RYR2: variants seen among roughly 807,000 people sequenced by gnomAD.
RYR2 encodes the protein ryanodine receptor 2.
RYR2 carries 227 observed loss-of-function variants against 601.1 expected under a neutral mutation model. The ratio of observed to expected loss-of-function variants is 0.38; its 90% CI spans 0.34 to 0.42. RYR2 has a LOEUF of 0.42. Among genes scored for constraint, RYR2 ranks in the 10% least tolerant of loss-of-function variants. The pLI is 1.00. For missense variants in RYR2, 4,646 were observed against 6,156.5 expected (o/e 0.75, Z 8.21); for synonymous variants, 2,223 against 2,175.1 (o/e 1.02, Z -0.61).
chr1:237,638,330 ACT>A (rs1234091940), intron 44 of RYR2, 25 bp from the exon 45 acceptor site: 1 of 1,613,500 alleles, frequency 6.2e-7, no homozygotes, highest in East Asian at 2.2e-5. Context: ...CCAAGGGATA[ACT>A]CTTTGTTAAT....
intron 23 of RYR2, among the ~76,000 whole-genome samples, chr1:237,508,963 C>T (rs1328759512): frequency 2.0e-5 from 3 of 151,640 alleles, no homozygotes; most frequent in Non-Finnish European, 4.4e-5. Context: ...AGGATGGTTT[C>T]GATCTCCTGA....
intron 62 of RYR2, 86 bp from the exon 63 acceptor site, chr1:237,687,366 CTTT>C (rs10679267): frequency 4.9e-4 from 127 of 258,828 alleles, no homozygotes; most frequent in Admixed American, 1.1e-3. Context: ...TTTTCTTCTT[CTTT>C]TTTTTTTTTT....
intron 1 of RYR2, among the ~76,000 whole-genome samples, chr1:237,058,181 TAGTC>T (rs1381360589): frequency 3.3e-5 from 5 of 152,206 alleles, no homozygotes; most frequent in Admixed American, 1.3e-4. Context: ...ATTAAGCAAA[TAGTC>T]AGTCTAGGGA....
chr1:237,684,396 T>A (rs1005147226), intron 62 of RYR2, among the ~76,000 whole-genome samples: 1 of 152,120 alleles, frequency 6.6e-6, no homozygotes. Context: ...GAAGTTGTGA[T>A]GAGTGTCAGT....
chr1:237,609,531 G>GT (rs911149763), intron 35 of RYR2, among the ~76,000 whole-genome samples: 56 of 150,386 alleles, frequency 3.7e-4, no homozygotes, highest in East Asian at 9.8e-4. Context: ...CACCATTTTT[G>GT]TTTTTTTTTA....
In RYR2 at chr1:237,732,073, G is replaced by A. The variant is rs1238152469; in HGVS notation, c.10963G>A (p.Asp3655Asn). ...ACCTGGGGCTGAACCTCCAGAAGAA[G>A]ATGAAGGCACTAAGAGAGTTGATCC... ...AKPGAEPPEE[D>N]EGTKRVDPLH... is the part of the protein sequence containing the mutation. The change falls in exon 78 of 105, where the codon GAT becomes AAT. Residue 3655 changes from aspartate to asparagine, a missense_variant. Transcript: ENST00000366574. The A allele has an allele frequency of 8.1e-6, 13 of 1,608,588 alleles. No individual in the cohort carries two copies. The highest frequency in any genetic ancestry group is 1.0e-5 in the Non-Finnish European group (12 of 1,176,508).
chr1:237,387,359 T>G lies in RYR2; in HGVS notation c.655T>G (p.Ser219Ala). Residue 219 changes from serine (S) to alanine (A), a missense_variant, in exon 9 of 105, where the codon TCA becomes GCA. By Grantham distance (99) the Ser-to-Ala change is moderately conservative. This residue lies in a region of RYR2 where 87 missense variants were observed against 144.7 expected (regional missense o/e 0.60). Transcript: ENST00000366574. ...TCTCTGGAGCGTGGCCCCAATCAGC[T>G]CAGGAAGTGAGGCAGCCCAAGGTAA... is the stretch of plus-strand genomic sequence containing the variant. Reference protein sequence around the residue: ...QTLWSVAPISSGSEAAQGYLI... With the variant: ...QTLWSVAPISAGSEAAQGYLI... The G allele has an allele frequency of 1.9e-6, 3 of 1,613,940 alleles. No individual in the cohort carries two copies. Among genetic ancestry groups the G allele is most frequent in the Non-Finnish European group, 2.5e-6 (3 of 1,179,864 alleles).
At chr1:237,425,276 G>T (rs1381400966) in intron 12 of RYR2, among the ~76,000 whole-genome samples, 1 of 151,930 alleles carries the variant, frequency 6.6e-6, no homozygotes, top group Non-Finnish European at 1.5e-5. Flanking sequence ...CTGTGTAAAC[G>T]CACACAACCT....
intron 1 of RYR2, among the ~76,000 whole-genome samples, chr1:237,258,406 G>C (rs950403910): frequency 2.0e-5 from 3 of 151,964 alleles, no homozygotes; most frequent in Non-Finnish European, 2.9e-5. Flanking sequence ...GCAGTCAGGA[G>C]GAGGAAGTCA....
At chr1:237,793,624 A>G (rs1007096635) in intron 94 of RYR2, among the ~76,000 whole-genome samples, 2 of 152,218 alleles carry the variant, frequency 1.3e-5, no homozygotes, top group African/African-American at 4.8e-5. Context: ...GTAATTATCT[A>G]TAAGACCCTA....
chr1:237,693,827 A>C (rs1687156769), intron 63 of RYR2, among the ~76,000 whole-genome samples: 1 of 152,186 alleles, frequency 6.6e-6, no homozygotes. Flanking sequence ...CTAATCAATA[A>C]ATTAGTGGAT....
At chr1:237,160,988 G>A (rs1572054720) in intron 1 of RYR2, among the ~76,000 whole-genome samples, 1 of 152,068 alleles carries the variant, frequency 6.6e-6, no homozygotes, top group Non-Finnish European at 1.5e-5. Context: ...CACGGCAGTT[G>A]TTTTCTTTAC....
intron 47 of RYR2, among the ~76,000 whole-genome samples, chr1:237,641,436 A>T (rs1384794780): frequency 1.3e-5 from 2 of 151,190 alleles, no homozygotes; most frequent in African/African-American, 4.9e-5. Flanking sequence ...GTGGATATTA[A>T]GAGCTATTTA....
chr1:237,655,801 TG>T lies in RYR2; in HGVS notation c.7966-18del, dbSNP rs1573368013. 1.9e-6 allele frequency: 3 copies of T among 1,560,938 alleles called. No homozygotes were observed. The highest frequency in any genetic ancestry group is 8.6e-7 in the Non-Finnish European group (1 of 1,156,414). The stretch of plus-strand genomic sequence containing the variant: ...TTTGCCATATAGTAATTTTTTTTTT[TG>T]GTCCTCCATTTTTCCCAGAAATATG... On this transcript the variant is annotated intron_variant, in intron 52 of 104. Coordinates refer to ENST00000366574, the MANE Select transcript of RYR2 (RefSeq NM_001035.3).
chr1:237,385,021 C>G (rs551767224), intron 8 of RYR2, among the ~76,000 whole-genome samples: 1 of 152,188 alleles, frequency 6.6e-6, no homozygotes, highest in South Asian at 2.1e-4. Context: ...TCCTGAGTAA[C>G]TGGGATTACA....
intron 29 of RYR2, among the ~76,000 whole-genome samples, chr1:237,589,499 C>G (rs958989808): frequency 6.6e-6 from 1 of 152,078 alleles, no homozygotes; most frequent in African/African-American, 2.4e-5. Flanking sequence ...CTAGAATCCC[C>G]GGAGGACCAG....
intron 79 of RYR2, among the ~76,000 whole-genome samples, chr1:237,735,416 GC>G (rs548822937): frequency 4.6e-4 from 70 of 152,204 alleles, no homozygotes; most frequent in Non-Finnish European, 7.8e-4. Flanking sequence ...TAAAGAGAGA[GC>G]CATCTAAGCA....
intron 75 of RYR2, among the ~76,000 whole-genome samples, chr1:237,726,594 GT>G (rs1298491481): frequency 6.6e-6 from 1 of 152,028 alleles, no homozygotes; most frequent in African/African-American, 2.4e-5. Context: ...TTAAAGAATA[GT>G]AGAATTTTTA....
rs1678294589 is a variant in RYR2, at chr1:237,614,861, CTTGAGTGAATTTCAGAA to C, written c.5715+22_5715+38del. 1 of 1,536,374 alleles carries C rather than the reference CTTGAGTGAATTTCAGAA, an allele frequency of 6.5e-7. No homozygotes were observed. The highest frequency in any genetic ancestry group is 1.4e-5 in the African/African-American group (1 of 72,100). On this transcript the variant is annotated intron_variant, in intron 37 of 104. Transcript: ENST00000366574. The surrounding 1 kb of genome is among the most constrained non-coding windows in gnomAD (Gnocchi z 4.3). ...AATTGCAGGTAATCAGAACAAGAGACTTGAGTGAATTTCAGAATTGCTAAGCATTAAGGTATTAGAAC... is the reference window on the plus strand; with the variant it reads ...AATTGCAGGTAATCAGAACAAGAGACTTGCTAAGCATTAAGGTATTAGAAC...
Sources: gnomAD v4.1 joint callset for allele counts (sites outside exome capture counted in the v4.1 genomes callset) on GRCh38, gnomAD v4.1.1 for gene constraint, gnomAD v4.1.1 regional missense constraint, Gnocchi (gnomAD v3.1) non-coding constraint, MANE v1.5 for transcripts, NCBI Gene and HGNC (gene_info 2026-07-23, HGNC 2026-07-21) for gene names.